Variants in BBX observed in about 807,000 individuals in gnomAD.
The protein encoded by BBX is BBX high mobility group box domain containing.
Under a neutral mutation model 100.2 loss-of-function variants are expected in BBX, and 30 were observed. That is an observed-to-expected ratio of 0.30 (90% CI 0.22 to 0.41). The LOEUF (loss-of-function observed/expected upper bound fraction) is 0.41. BBX is among the 10% of genes least tolerant of loss of function. The pLI, the probability that BBX is intolerant of heterozygous loss-of-function variation, is 1.00. For missense variants in BBX, 1,023 were observed against 1,129.8 expected (o/e 0.91, Z 1.35); for synonymous variants, 376 against 388.1 (o/e 0.97, Z 0.37).
At chr3:107,743,094 T>C (rs1467477884) in intron 7 of BBX, among the ~76,000 whole-genome samples, 1 of 152,184 alleles carries the variant, frequency 6.6e-6, no homozygotes, top group Non-Finnish European at 1.5e-5. Context: ...TAATTCCAAA[T>C]ATATTTTATA....
intron 10 of BBX, among the ~76,000 whole-genome samples, chr3:107,766,597 T>TA (rs973573263): frequency 5.3e-5 from 8 of 150,392 alleles, no homozygotes; most frequent in Middle Eastern, 6.8e-3. Flanking sequence ...AAAGTATAGG[T>TA]AAAAAAAAAG....
At chr3:107,795,825 T>C (rs1470818119) in intron 15 of BBX, among the ~76,000 whole-genome samples, 1 of 152,124 alleles carries the variant, frequency 6.6e-6, no homozygotes, top group Non-Finnish European at 1.5e-5. Flanking sequence ...TCAACCCTTT[T>C]GCAGCTGTGC....
At chr3:107,602,034 A>C (rs540610955) in intron 2 of BBX, among the ~76,000 whole-genome samples, 1 of 152,226 alleles carries the variant, frequency 6.6e-6, no homozygotes, top group Non-Finnish European at 1.5e-5. Context: ...ACTGTGCTCT[A>C]TCAATGCAAC....
intron 2 of BBX, among the ~76,000 whole-genome samples, chr3:107,602,663 C>CT (rs1331623224): frequency 6.6e-6 from 1 of 152,132 alleles, no homozygotes; most frequent in Non-Finnish European, 1.5e-5. Context: ...TTCAAGCCAT[C>CT]AGTGGAAAGG....
At chr3:107,752,943 A>G (rs1314688152) in intron 9 of BBX, among the ~76,000 whole-genome samples, 1 of 152,232 alleles carries the variant, frequency 6.6e-6, no homozygotes, top group Non-Finnish European at 1.5e-5. Context: ...GTAGAACAGC[A>G]TGGGCAGGAG....
chr3:107,623,585 C>T (rs2055944968), intron 2 of BBX, among the ~76,000 whole-genome samples: 1 of 152,056 alleles, frequency 6.6e-6, no homozygotes, highest in Non-Finnish European at 1.5e-5. Context: ...AAATCATTAA[C>T]AGGAAGAGCA....
chr3:107,684,079 C>T (rs1325695768), intron 3 of BBX, among the ~76,000 whole-genome samples: 3 of 152,158 alleles, frequency 2.0e-5, no homozygotes, highest in African/African-American at 7.2e-5. Context: ...TGTTACCTCC[C>T]TGCATTAAAA....
At chr3:107,636,863 G>A (rs969216779) in intron 2 of BBX, among the ~76,000 whole-genome samples, 3 of 152,172 alleles carry the variant, frequency 2.0e-5, no homozygotes, top group East Asian at 1.9e-4. Flanking sequence ...CATTTATATC[G>A]TAAAGAGGTT....
intron 2 of BBX, among the ~76,000 whole-genome samples, chr3:107,544,201 G>A (rs931912852): frequency 1.3e-5 from 2 of 152,004 alleles, no homozygotes; most frequent in African/African-American, 4.8e-5. Flanking sequence ...AGGTAATCTG[G>A]GCAGCTGCGA....
intron 3 of BBX, among the ~76,000 whole-genome samples, chr3:107,655,114 A>G (rs1331064533): frequency 1.3e-5 from 2 of 152,180 alleles, no homozygotes; most frequent in Non-Finnish European, 2.9e-5. Flanking sequence ...TGCTTTCCTG[A>G]CGATTTCATT....
At chr3:107,772,549 A>G in intron 10 of BBX, 79 bp from the exon 11 acceptor site, 7 of 1,379,134 alleles carry the variant, frequency 5.1e-6, no homozygotes, top group Admixed American at 2.5e-5. Context: ...TAAAACAGAT[A>G]TAATTGAAAA....
chr3:107,630,244 C>T (rs2107724227), intron 2 of BBX, among the ~76,000 whole-genome samples: 1 of 152,162 alleles, frequency 6.6e-6, no homozygotes, highest in Non-Finnish European at 1.5e-5. Context: ...TAAAGTGTCT[C>T]CTGTGATTGT....
intron 5 of BBX, among the ~76,000 whole-genome samples, chr3:107,728,383 CTT>C (rs2063102209): frequency 6.6e-6 from 1 of 152,172 alleles, no homozygotes; most frequent in Admixed American, 6.5e-5. Flanking sequence ...GCTACCTTCT[CTT>C]GGTTACTGTA....
Position 107,716,752 on chromosome 3 carries a change from C to T in BBX, c.308C>T (p.Pro103Leu). 2.5e-6 allele frequency: 4 copies of T among 1,613,726 alleles called. No homozygotes were observed. The highest frequency in any genetic ancestry group is 3.4e-6 in the Non-Finnish European group (4 of 1,179,774). The change falls in exon 5 of 18, where the codon CCC becomes CTC. Residue 103 changes from proline (P) to leucine (L), a missense_variant. Pro to Leu is a moderately conservative substitution (Grantham distance 98). Around this residue, in one of 9 missense-constraint regions of BBX, gnomAD observed 229 missense variants for 226.3 expected, o/e 1.01. Coordinates refer to ENST00000325805, the MANE Select transcript of BBX (RefSeq NM_001142568.3). ...RHRSLVRQEH[P>L]RLDNRGATKI... ...CGCTCTCTTGTACGTCAGGAACACC[C>T]CAGGCTTGATAACCGAGGTGCTACC...
chr3:107,769,107 G>A (rs1017909398), intron 10 of BBX, among the ~76,000 whole-genome samples: 1 of 151,574 alleles, frequency 6.6e-6, no homozygotes, highest in African/African-American at 2.4e-5. Context: ...GGTCGAGGCT[G>A]CCATGAGCTA....
At chr3:107,787,308 A>G (rs1358659846) in intron 13 of BBX, among the ~76,000 whole-genome samples, 2 of 152,220 alleles carry the variant, frequency 1.3e-5, no homozygotes, top group African/African-American at 4.8e-5. Flanking sequence ...CAACTGTTGA[A>G]TGAATAAACA....
At chr3:107,542,471 G>C (rs2048928211) in intron 2 of BBX, among the ~76,000 whole-genome samples, 1 of 152,208 alleles carries the variant, frequency 6.6e-6, no homozygotes, top group South Asian at 2.1e-4. Flanking sequence ...AGAGCATATA[G>C]AGATGGAAGT....
chr3:107,692,093 A>C (rs1378923652), intron 3 of BBX, among the ~76,000 whole-genome samples: 1 of 151,996 alleles, frequency 6.6e-6, no homozygotes, highest in African/African-American at 2.4e-5. Flanking sequence ...TTCTTAACTA[A>C]ATCATTGTTT....
Position 107,798,437 on chromosome 3 carries a change from C to G in BBX, c.2354-86C>G, listed in dbSNP as rs199828184. ...GTGTAAATTCTCCATTCAGACGGGT[C>G]AGAAATTTAGACATGTTTCCTTCTA... On this transcript the variant is annotated intron_variant, in intron 15 of 17. Coordinates refer to ENST00000325805, the MANE Select transcript of BBX (RefSeq NM_001142568.3). 14 of 1,288,976 alleles carry G rather than the reference C, an allele frequency of 1.1e-5. No homozygotes were observed. In the East Asian group the frequency reaches 3.1e-4, roughly 28 times the overall value. The allele number at this position is 1,288,976 out of a possible 1,614,324, so 79.8% of individuals were successfully genotyped here.
Sources: gnomAD v4.1 joint callset for allele counts (sites outside exome capture counted in the v4.1 genomes callset) on GRCh38, gnomAD v4.1.1 for gene constraint, gnomAD v4.1.1 regional missense constraint, MANE v1.5 for transcripts, NCBI Gene and HGNC (gene_info 2026-07-23, HGNC 2026-07-21) for gene names.